The following DNAJC2 variants were observed in gnomAD, a reference collection of about 807,000 sequenced individuals.
The protein encoded by DNAJC2 is DnaJ heat shock protein family (Hsp40) member C2.
DNAJC2 carries 32 observed loss-of-function variants against 94.0 expected under a neutral mutation model. The observed-to-expected ratio is 0.34, with a 90% CI of 0.26 to 0.46. The LOEUF (loss-of-function observed/expected upper bound fraction) is 0.46. DNAJC2 is among the 20% of genes least tolerant of loss of function. DNAJC2 has a pLI of 1.00. For synonymous variants in DNAJC2, 210 were observed against 229.7 expected (o/e 0.91, Z 0.77); for missense variants, 550 against 719.5 (o/e 0.76, Z 2.69).
chr7:103,336,987 C>G (rs1217939521), intron 3 of DNAJC2: 1 of 152,204 alleles, frequency 6.6e-6, no homozygotes, highest in Non-Finnish European at 1.5e-5. Context: ...GGCCCTGACT[C>G]CCTGCTCCTT....
chr7:103,314,249 T>A, intron 15 of DNAJC2: 2 of 985,454 alleles, frequency 2.0e-6, no homozygotes, highest in Non-Finnish European at 2.4e-6. Context: ...CAGTATTTCC[T>A]GCTGTTCTCC....
At position 103,312,800 on chromosome 7, in the gene DNAJC2, C is replaced by A; in HGVS notation, c.1791+147G>T. 3 of 1,510,778 alleles carry A rather than the reference C, an allele frequency of 2.0e-6. No individual in the cohort carries two copies. The South Asian group carries it at 4.2e-5, about 21-fold the overall frequency. The allele number at this position is 1,510,778 out of a possible 1,614,324, so 93.6% of individuals were successfully genotyped here. ...GGCCTAGAAAGTTTCTAAGGTTGCTCATTTCTTCCTCATAATATTGACCCC... is the reference window on the plus strand; with the variant it reads ...GGCCTAGAAAGTTTCTAAGGTTGCTAATTTCTTCCTCATAATATTGACCCC... On this transcript the variant is annotated intron_variant, in intron 16 of 16. Transcript: ENST00000379263.
rs1818446946 is a variant in DNAJC2, at chr7:103,322,010, T to A, written c.1005A>T (p.Ala335=). The A allele has an allele frequency of 6.2e-7, 1 of 1,613,888 alleles. No homozygotes were observed. Among genetic ancestry groups the A allele is most frequent in the Non-Finnish European group, 8.5e-7 (1 of 1,179,904 alleles). The change falls in exon 10 of 17, where the codon GCA becomes GCT. Residue 335 remains alanine (A), a synonymous_variant. Coordinates refer to ENST00000379263, the MANE Select transcript of DNAJC2 (RefSeq NM_014377.3). ...EKEEEEVRQQ[A]LLAKKEKDIQ... ...TATCTTTTTCCTTCTTTGCCAGCAA[T>A]GCTTGCTGTCTGACTTCCTCCTCTT...
Position 103,341,943 on chromosome 7 carries a change from A to G in DNAJC2, c.76T>C (p.Cys26Arg). The stretch of plus-strand genomic sequence containing the variant: ...CATCTTCCCACAGGTTCAACTTGAC[A>G]GAGTGTAGAGGCTGTGATTGAAAGT... ...THALTSASTL[C>R]QVEPVGRWFE... The change falls in exon 2 of 17, where the codon TGT becomes CGT. Residue 26 changes from cysteine (C) to arginine (R), a missense_variant. Transcript: ENST00000379263. The G allele has an allele frequency of 1.9e-6, 3 of 1,602,060 alleles. No homozygotes were observed. The highest frequency in any genetic ancestry group is 1.7e-6 in the Non-Finnish European group (2 of 1,175,166).
At chr7:103,323,784 G>T in intron 6 of DNAJC2, 121 bp from the exon 7 acceptor site, 1 of 747,312 alleles carries the variant, frequency 1.3e-6, no homozygotes, top group Non-Finnish European at 1.9e-6. Context: ...ATTGAACTAA[G>T]GTCAAGTCTT....
intron 7 of DNAJC2, among the ~76,000 whole-genome samples, chr7:103,323,212 G>A (rs1378262816): frequency 1.3e-5 from 2 of 152,154 alleles, no homozygotes; most frequent in African/African-American, 4.8e-5. Context: ...TTACAGGAAT[G>A]AGCCAGCACG....
chr7:103,315,458 A>C (rs1375977329), intron 15 of DNAJC2, among the ~76,000 whole-genome samples: 1 of 152,168 alleles, frequency 6.6e-6, no homozygotes, highest in Admixed American at 6.6e-5. Context: ...TCTCAAAATC[A>C]AGCAATTATC....
At chr7:103,337,665 T>C in intron 3 of DNAJC2, 71 bp downstream of exon 3, 1 of 1,226,570 alleles carries the variant, frequency 8.2e-7, no homozygotes, top group Non-Finnish European at 1.2e-6. Context: ...ATACTGTATA[T>C]CTTTTAAAAA....
At chr7:103,343,501 A>G (rs367987646) in intron 1 of DNAJC2, among the ~76,000 whole-genome samples, 37 of 152,198 alleles carry the variant, frequency 2.4e-4, no homozygotes, top group African/African-American at 7.7e-4. Context: ...TGGCTATGTG[A>G]CCTGAAATGA....
At chr7:103,312,908 T>C in intron 16 of DNAJC2, 39 bp downstream of exon 16, 2 of 1,586,762 alleles carry the variant, frequency 1.3e-6, no homozygotes, top group Non-Finnish European at 1.7e-6. Context: ...CAAGCTACAA[T>C]TTAAAATACA....
intron 1 of DNAJC2, 133 bp from the exon 2 acceptor site, chr7:103,342,087 A>C: frequency 7.1e-6 from 4 of 560,950 alleles, no homozygotes; most frequent in Non-Finnish European, 1.1e-5. Flanking sequence ...CCGACTACGA[A>C]AATAATTGCA....
At chr7:103,316,205 A>G (rs1818046014) in intron 13 of DNAJC2, 117 bp from the exon 14 acceptor site, 3 of 540,412 alleles carry the variant, frequency 5.6e-6, no homozygotes, top group Non-Finnish European at 9.1e-6. Flanking sequence ...ATGAGCTCAG[A>G]TTGGTGGTCT....
chr7:103,333,947 G>A (rs1819066771), intron 3 of DNAJC2, among the ~76,000 whole-genome samples: 1 of 150,996 alleles, frequency 6.6e-6, no homozygotes. Flanking sequence ...AGGCTGTTGT[G>A]AACATTTTTT....
chr7:103,323,469 T>G, intron 7 of DNAJC2, 129 bp downstream of exon 7: 1 of 995,066 alleles, frequency 1.0e-6, no homozygotes, highest in Non-Finnish European at 1.4e-6. Context: ...TTCAAAATAT[T>G]AAAAAATTGT....
chr7:103,312,870 A>G, intron 16 of DNAJC2, 77 bp downstream of exon 16: 2 of 1,551,116 alleles, frequency 1.3e-6, no homozygotes, highest in South Asian at 2.6e-5. Flanking sequence ...TAACCACTTA[A>G]TAGACATAAA....
At chr7:103,337,971 A>T (rs545229367) in intron 2 of DNAJC2, among the ~76,000 whole-genome samples, 160 bp from the exon 3 acceptor site, 1 of 152,320 alleles carries the variant, frequency 6.6e-6, no homozygotes, top group Non-Finnish European at 1.5e-5. Context: ...GGTAAGGTTG[A>T]GAAATGTGGA....
chr7:103,344,051 G>A (rs897216669), intron 1 of DNAJC2, among the ~76,000 whole-genome samples: 6 of 152,204 alleles, frequency 3.9e-5, no homozygotes, highest in Non-Finnish European at 1.5e-5. Flanking sequence ...CAAAGTCTAC[G>A]CGGATCTTTT....
intron 6 of DNAJC2, among the ~76,000 whole-genome samples, chr7:103,323,999 T>TCTCATCTCCA (rs1260483782): frequency 6.6e-6 from 1 of 152,240 alleles, no homozygotes. Flanking sequence ...ATCTCCAGTT[T>TCTCATCTCCA]GTATCCTCTG....
At chr7:103,337,833 G>T in intron 2 of DNAJC2, 22 bp from the exon 3 acceptor site, 1 of 1,595,766 alleles carries the variant, frequency 6.3e-7, no homozygotes. Context: ...ACACAAAAGG[G>T]AGTCAAATTT....
Sources: allele counts gnomAD v4.1 joint callset (sites outside exome capture counted in the v4.1 genomes callset), GRCh38; gene constraint gnomAD v4.1.1; transcripts MANE v1.5; gene names NCBI Gene and HGNC (gene_info 2026-07-23, HGNC 2026-07-21).